Variants in MAGI2 observed in about 807,000 individuals in gnomAD.
MAGI2 encodes membrane-associated guanylate kinase, WW and PDZ domain-containing protein 2.
Under a neutral mutation model 133.3 loss-of-function variants are expected in MAGI2, and 35 were observed. That is an observed-to-expected ratio of 0.26 (90% CI 0.20 to 0.35). The LOEUF is 0.35. Among genes scored for constraint, MAGI2 ranks in the 10% least tolerant of loss-of-function variants. The pLI is 1.00. For missense variants in MAGI2, 1,636 were observed against 1,863.4 expected (o/e 0.88, Z 2.25); for synonymous variants, 729 against 710.6 (o/e 1.03, Z -0.41).
intron 2 of MAGI2, among the ~76,000 whole-genome samples, chr7:78,835,805 T>A (rs1263276115): frequency 1.3e-5 from 2 of 152,178 alleles, no homozygotes; most frequent in East Asian, 3.8e-4. Flanking sequence ...ATGGAAATAA[T>A]TTCCTATGAC....
intron 2 of MAGI2, among the ~76,000 whole-genome samples, chr7:78,765,676 TGATTTGAAGTCCTACA>T (rs1219817605): frequency 1.3e-5 from 2 of 152,086 alleles, no homozygotes; most frequent in East Asian, 3.9e-4. Context: ...TGAGTTGACA[TGATTTGAAGTCCTACA>T]GATAGATACG....
intron 10 of MAGI2, among the ~76,000 whole-genome samples, chr7:78,208,135 C>T (rs200057992): frequency 6.1e-5 from 7 of 115,598 alleles, no homozygotes; most frequent in South Asian, 3.0e-4. Context: ...CCCAAAGTGG[C>T]TTTTTTTTTT....
chr7:78,623,970 A>C (rs1004316355), intron 3 of MAGI2, among the ~76,000 whole-genome samples: 1 of 152,100 alleles, frequency 6.6e-6, no homozygotes, highest in African/African-American at 2.4e-5. Context: ...ATTGTATAAA[A>C]GTACAGCAAC....
At chr7:78,782,637 T>A (rs188729891) in intron 2 of MAGI2, among the ~76,000 whole-genome samples, 1 of 151,934 alleles carries the variant, frequency 6.6e-6, no homozygotes, top group African/African-American at 2.4e-5. Context: ...GAGAAAAGAT[T>A]TGAAGCCATT....
At chr7:78,810,087 A>G (rs73369411) in intron 2 of MAGI2, among the ~76,000 whole-genome samples, 5,602 of 152,250 alleles carry the variant, frequency 0.037, 266 homozygotes, top group African/African-American at 0.1. Context: ...AAACATCTTT[A>G]GGTCACATGG....
At chr7:78,169,214 C>G (rs1036270633) in intron 14 of MAGI2, among the ~76,000 whole-genome samples, 1 of 152,168 alleles carries the variant, frequency 6.6e-6, no homozygotes, top group African/African-American at 2.4e-5. Flanking sequence ...AATAGTATTA[C>G]ATATTTTAAT....
chr7:79,359,341 G>A (rs1046301396), intron 1 of MAGI2, among the ~76,000 whole-genome samples: 13 of 152,016 alleles, frequency 8.6e-5, no homozygotes, highest in African/African-American at 2.9e-4. Flanking sequence ...TAGATCCTTA[G>A]AAACTTGTGA....
chr7:78,021,145 T>C (rs1042295026), intron 21 of MAGI2, among the ~76,000 whole-genome samples: 32 of 152,188 alleles, frequency 2.1e-4, no homozygotes, highest in African/African-American at 7.5e-4. Context: ...GCAACAACAG[T>C]TCCCTGGAGC....
At chr7:78,354,060 C>T (rs914462038) in intron 7 of MAGI2, among the ~76,000 whole-genome samples, 1 of 152,114 alleles carries the variant, frequency 6.6e-6, no homozygotes, top group African/African-American at 2.4e-5. Context: ...CTGTGGTTCT[C>T]CCTAGAATTC....
chr7:78,519,060 T>C (rs1796272385), intron 4 of MAGI2: 1 of 151,838 alleles, frequency 6.6e-6, no homozygotes. Flanking sequence ...CTCAGTCTTC[T>C]TTGAAATCTG....
chr7:78,558,282 C>T (rs986796508), intron 3 of MAGI2, among the ~76,000 whole-genome samples: 2 of 152,126 alleles, frequency 1.3e-5, no homozygotes, highest in Admixed American at 1.3e-4. Context: ...GGGTCTTCTG[C>T]TAGCAAAGTG....
chr7:78,109,621 G>C (rs890080366), intron 20 of MAGI2, among the ~76,000 whole-genome samples: 1 of 151,966 alleles, frequency 6.6e-6, no homozygotes, highest in Non-Finnish European at 1.5e-5. Flanking sequence ...GACATAGCAA[G>C]ACTCCGTCTC....
chr7:78,991,877 C>T (rs1805820499), intron 2 of MAGI2, among the ~76,000 whole-genome samples: 1 of 152,010 alleles, frequency 6.6e-6, no homozygotes, highest in Admixed American at 6.6e-5. Flanking sequence ...ACAGGGGAAC[C>T]CAAGAAAACC....
At chr7:78,136,005 A>C (rs1232820303) in intron 16 of MAGI2, among the ~76,000 whole-genome samples, 2 of 152,240 alleles carry the variant, frequency 1.3e-5, no homozygotes, top group African/African-American at 4.8e-5. Flanking sequence ...ATGATGCTCC[A>C]TTGATTATAA....
At chr7:79,155,340 T>C (rs1823669040) in intron 1 of MAGI2, among the ~76,000 whole-genome samples, 1 of 152,168 alleles carries the variant, frequency 6.6e-6, no homozygotes, top group South Asian at 2.1e-4. Context: ...ATCAGCACTG[T>C]GCTAGACTCT....
At chr7:79,341,400 T>TAA (rs143117898) in intron 1 of MAGI2, among the ~76,000 whole-genome samples, 8,511 of 150,690 alleles carry the variant, frequency 0.056, 766 homozygotes, top group African/African-American at 0.2. Context: ...TGTGTTTATT[T>TAA]AAAAAAAAAA....
intron 1 of MAGI2, among the ~76,000 whole-genome samples, chr7:79,047,671 G>A (rs897177152): frequency 1.3e-5 from 2 of 151,804 alleles, no homozygotes; most frequent in Non-Finnish European, 2.9e-5. Flanking sequence ...TGTATATGAA[G>A]GTTTGATATA....
chr7:78,425,635 T>C (rs1799208933), intron 6 of MAGI2, among the ~76,000 whole-genome samples: 3 of 152,168 alleles, frequency 2.0e-5, no homozygotes, highest in South Asian at 4.1e-4. Context: ...AAGAGATGAA[T>C]AGTGAAACCA....
chr7:79,179,089 C>T (rs1340749206), intron 1 of MAGI2, among the ~76,000 whole-genome samples: 1 of 151,956 alleles, frequency 6.6e-6, no homozygotes, highest in African/African-American at 2.4e-5. Flanking sequence ...ATGGTATAGT[C>T]ATCTGATGCA....
Sources: allele counts gnomAD v4.1 joint callset (sites outside exome capture counted in the v4.1 genomes callset), GRCh38; gene constraint gnomAD v4.1.1; transcripts MANE v1.5; gene names NCBI Gene and HGNC (gene_info 2026-07-23, HGNC 2026-07-21).